ARHGAP6: variants seen among roughly 807,000 people sequenced by gnomAD.
ARHGAP6 encodes the protein Rho GTPase activating protein 6.
In ARHGAP6, 16 loss-of-function variants were observed where a neutral mutation model predicts 55.7. That is an observed-to-expected ratio of 0.29 (90% confidence interval 0.19 to 0.44). The LOEUF (loss-of-function observed/expected upper bound fraction) is 0.44, where lower values mean the gene tolerates loss of function less well. Ranked by LOEUF, ARHGAP6 falls within the 20% of genes least tolerant of loss-of-function variation. The pLI, the probability that ARHGAP6 is intolerant of heterozygous loss-of-function variation, is 1.00. For synonymous variants in ARHGAP6, 382 were observed against 360.9 expected (o/e 1.06, Z -0.66); for missense variants, 698 against 808.9 (o/e 0.86, Z 1.66).
chrX:11,484,584 G>T (rs2050492591), intron 1 of ARHGAP6, among the ~76,000 whole-genome samples: 1 of 106,281 alleles, frequency 9.4e-6, no homozygotes, highest in South Asian at 4.2e-4. Context: ...AGGAGAAGAA[G>T]AAAAGGAAAA....
intron 1 of ARHGAP6, among the ~76,000 whole-genome samples, chrX:11,587,658 G>A (rs887913675): frequency 1.8e-5 from 2 of 112,216 alleles, no homozygotes; most frequent in African/African-American, 6.5e-5. Context: ...CTCTCTTCAC[G>A]AAAAGATTGA....
At chrX:11,630,010 A>AGTGT (rs201976499) in intron 1 of ARHGAP6, among the ~76,000 whole-genome samples, 14 of 107,501 alleles carry the variant, frequency 1.3e-4, no homozygotes, top group Middle Eastern at 4.8e-3. Flanking sequence ...TCCCCCAACT[A>AGTGT]GTGTGTGTGT....
chrX:11,577,280 T>C (rs1474737793), intron 1 of ARHGAP6, among the ~76,000 whole-genome samples: 2 of 111,566 alleles, frequency 1.8e-5, no homozygotes, highest in East Asian at 2.8e-4. Flanking sequence ...GGCAATGAGA[T>C]AGGAAAGAGA....
At chrX:11,472,407 A>C (rs2050356860) in intron 1 of ARHGAP6, among the ~76,000 whole-genome samples, 1 of 112,096 alleles carries the variant, frequency 8.9e-6, no homozygotes, top group African/African-American at 3.2e-5. Flanking sequence ...ACCACTTTAG[A>C]CTGGAGGGTC....
intron 1 of ARHGAP6, among the ~76,000 whole-genome samples, chrX:11,414,533 T>C (rs2049725384): frequency 9.2e-6 from 1 of 108,811 alleles, no homozygotes; most frequent in South Asian, 4.1e-4. Flanking sequence ...CTAGATATGA[T>C]CACGTACAGA....
intron 8 of ARHGAP6, among the ~76,000 whole-genome samples, chrX:11,174,576 T>C (rs1424741359): frequency 1.3e-5 from 1 of 78,147 alleles, no homozygotes; most frequent in Non-Finnish European, 2.6e-5. Flanking sequence ...CTTCCTTCCT[T>C]TCTTTCTTTC....
intron 1 of ARHGAP6, among the ~76,000 whole-genome samples, chrX:11,413,178 C>T (rs923701916): frequency 7.1e-5 from 8 of 112,466 alleles, no homozygotes; most frequent in African/African-American, 2.6e-4. Context: ...GGTTCATCCT[C>T]CTGCACAGTC....
At chrX:11,503,583 A>T (rs1368246800) in intron 1 of ARHGAP6, among the ~76,000 whole-genome samples, 1 of 111,564 alleles carries the variant, frequency 9.0e-6, no homozygotes, top group Non-Finnish European at 1.9e-5. Flanking sequence ...CCATGAATTG[A>T]TTACTCTTTA....
intron 1 of ARHGAP6, among the ~76,000 whole-genome samples, chrX:11,573,805 T>C (rs190500931): frequency 9.0e-6 from 1 of 111,461 alleles, no homozygotes; most frequent in African/African-American, 3.3e-5. Flanking sequence ...ATATTGATTC[T>C]TCCTACCCAT....
intron 1 of ARHGAP6, among the ~76,000 whole-genome samples, chrX:11,613,473 CA>C (rs1689976220): frequency 8.9e-6 from 1 of 112,230 alleles, no homozygotes; most frequent in African/African-American, 3.2e-5. Flanking sequence ...TTGAGACCCA[CA>C]GACATTCCCA....
At chrX:11,358,762 G>C (rs897833017) in intron 1 of ARHGAP6, among the ~76,000 whole-genome samples, 1 of 111,545 alleles carries the variant, frequency 9.0e-6, no homozygotes, top group African/African-American at 3.3e-5. Flanking sequence ...GATTACAGGC[G>C]TGAGCCACCG....
At chrX:11,570,768 A>G (rs1293743905) in intron 1 of ARHGAP6, among the ~76,000 whole-genome samples, 1 of 111,982 alleles carries the variant, frequency 8.9e-6, no homozygotes, top group Non-Finnish European at 1.9e-5. Context: ...TTTAAATGTA[A>G]TAATTATTTA....
chrX:11,478,255 C>T (rs949818983), intron 1 of ARHGAP6, among the ~76,000 whole-genome samples: 1 of 111,783 alleles, frequency 8.9e-6, no homozygotes, highest in Non-Finnish European at 1.9e-5. Context: ...TTCACAGAAG[C>T]TTTATTTGTA....
At chrX:11,571,245 G>A (rs1475724855) in intron 1 of ARHGAP6, among the ~76,000 whole-genome samples, 3 of 111,645 alleles carry the variant, frequency 2.7e-5, no homozygotes, top group African/African-American at 6.5e-5. Flanking sequence ...AAATTCTTTT[G>A]GGGTTAATGT....
intron 1 of ARHGAP6, among the ~76,000 whole-genome samples, chrX:11,648,957 T>A (rs2052557250): frequency 8.9e-6 from 1 of 112,119 alleles, no homozygotes; most frequent in African/African-American, 3.2e-5. Context: ...CATGTGGAAG[T>A]TAAAACCCCA....
intron 1 of ARHGAP6, among the ~76,000 whole-genome samples, chrX:11,586,156 T>C (rs112445735): frequency 0.02 from 2,272 of 112,022 alleles, 32 homozygotes; most frequent in Middle Eastern, 0.065. Context: ...ACTCTGTTGA[T>C]AGTTTCTTTT....
rs1399211214 is a variant in ARHGAP6 at position 11,264,585 on chromosome X, G to A, written c.589-9878C>T. Among the ~76,000 whole-genome samples the A allele has an allele frequency of 2.7e-5, 3 of 111,742 alleles. No individual in the cohort carries two copies. The Admixed American group carries it at 2.9e-4, about 11-fold the overall frequency. Reference sequence around the variant, plus strand: ...ATTCTCAGTTCTAAGCTTCTCTCGAGTCTTGGATGGGAGGAAGAAGGTAAG... The same window carrying A: ...ATTCTCAGTTCTAAGCTTCTCTCGAATCTTGGATGGGAGGAAGAAGGTAAG... On this transcript the variant is annotated intron_variant, in intron 1 of 12. Coordinates refer to ENST00000337414, the MANE Select transcript of ARHGAP6 (RefSeq NM_013427.3).
intron 1 of ARHGAP6, chrX:11,300,801 C>A: frequency 2.3e-6 from 1 of 433,596 alleles, no homozygotes; most frequent in East Asian, 3.7e-5. Context: ...ATTTTCCTAT[C>A]ATTTGAGATG....
intron 1 of ARHGAP6, among the ~76,000 whole-genome samples, chrX:11,502,894 T>C (rs983719686): frequency 2.7e-5 from 3 of 111,007 alleles, no homozygotes; most frequent in African/African-American, 9.8e-5. Context: ...GATTTTCTTT[T>C]TTTTCTTTTC....
Sources: allele counts gnomAD v4.1 joint callset (sites outside exome capture counted in the v4.1 genomes callset), GRCh38; gene constraint gnomAD v4.1.1; transcripts MANE v1.5; gene names NCBI Gene and HGNC (gene_info 2026-07-23, HGNC 2026-07-21).